The following CCDC88C variants were observed in gnomAD, a reference collection of about 807,000 sequenced individuals.
The protein encoded by CCDC88C is protein Daple.
Under a neutral mutation model 198.8 loss-of-function variants are expected in CCDC88C, and 131 were observed. That is an observed-to-expected ratio of 0.66 (90% CI 0.57 to 0.76). The LOEUF is 0.76. Ranked by LOEUF, CCDC88C falls within the 30% of genes least tolerant of loss-of-function variation. The pLI is 0.00. For synonymous variants in CCDC88C, 1,166 were observed against 1,114.7 expected, an observed-to-expected ratio of 1.05 and a Z score of -0.92; for missense variants, 2,553 against 2,631.6, an observed-to-expected ratio of 0.97 and a Z score of 0.65.
At chr14:91,275,598 C>T (rs1025753160) in intron 29 of CCDC88C, among the ~76,000 whole-genome samples, 12 of 151,896 alleles carry the variant, frequency 7.9e-5, no homozygotes, top group Admixed American at 5.9e-4. Flanking sequence ...CTGCCTCAAC[C>T]TCCCGAGTAG....
intron 16 of CCDC88C, 85 bp downstream of exon 16, chr14:91,309,774 A>T: frequency 2.8e-6 from 4 of 1,421,898 alleles, no homozygotes; most frequent in Non-Finnish European, 3.8e-6. Flanking sequence ...GAGTTCATGG[A>T]GGTCTCAGGG....
chr14:91,305,936 C>A lies in CCDC88C; in HGVS notation c.3196-10G>T, dbSNP rs748133657. 6.2e-7 allele frequency: 1 copy of A among 1,611,084 alleles called. No individual in the cohort carries two copies. ...CCTGCAGAGCTGCATTCTAGAAGAT[C>A]GGGAGGCATGAGCGAATCAAACTCC... is the stretch of plus-strand genomic sequence containing the variant. On this transcript the variant is annotated splice_polypyrimidine_tract_variant and intron_variant, in intron 18 of 29. Coordinates refer to ENST00000389857, the MANE Select transcript of CCDC88C (RefSeq NM_001080414.4).
At chr14:91,281,158 C>T (rs1366443314) in intron 27 of CCDC88C, 1 of 567,696 alleles carries the variant, frequency 1.8e-6, no homozygotes, top group African/African-American at 1.9e-5. Flanking sequence ...TGAACGCTCC[C>T]CACCTGGGCC....
In CCDC88C at chr14:91,417,619, A is replaced by G. The variant is rs898234326; in HGVS notation, c.60+12T>C. ...TGCACCAACAAAGGGGCGGGGAGCC[A>G]GGCGCACTCACCCAGGTCACCAGCG... On this transcript the variant is annotated intron_variant, in intron 1 of 29. Coordinates refer to ENST00000389857, the MANE Select transcript of CCDC88C (RefSeq NM_001080414.4). The G allele has an allele frequency of 5.7e-6, 9 of 1,584,206 alleles. No individual in the cohort carries two copies. Among genetic ancestry groups the G allele is most frequent in the Non-Finnish European group, 7.7e-6 (9 of 1,167,270 alleles).
intron 13 of CCDC88C, among the ~76,000 whole-genome samples, chr14:91,317,949 C>A (rs916698686): frequency 1.3e-5 from 2 of 152,220 alleles, no homozygotes; most frequent in Non-Finnish European, 2.9e-5. Flanking sequence ...CCAGAAGGGG[C>A]CCCAAAATAT....
At chr14:91,340,091 A>C in intron 6 of CCDC88C, 67 bp from the exon 7 acceptor site, 1 of 1,568,774 alleles carries the variant, frequency 6.4e-7, no homozygotes. Context: ...CTCACACTGC[A>C]AACAGCATCC....
chr14:91,415,904 G>A (rs1202098364), intron 2 of CCDC88C, among the ~76,000 whole-genome samples: 2 of 152,110 alleles, frequency 1.3e-5, no homozygotes, highest in Admixed American at 6.5e-5. Context: ...TTGCTCAGTC[G>A]TAGGTGAATA....
intron 10 of CCDC88C, among the ~76,000 whole-genome samples, chr14:91,331,398 G>T (rs548164353): frequency 6.6e-6 from 1 of 152,194 alleles, no homozygotes. Flanking sequence ...GAGGAGGGTG[G>T]AGGAGGGCAG....
intron 3 of CCDC88C, among the ~76,000 whole-genome samples, chr14:91,363,743 C>T (rs189685266): frequency 7.2e-5 from 11 of 152,370 alleles, no homozygotes; most frequent in Non-Finnish European, 1.3e-4. Context: ...GCGGTATCTC[C>T]AGGCCCTGAA....
Position 91,278,090 on chromosome 14 carries a change from G to A in CCDC88C, c.4890C>T (p.Arg1630=). 1.2e-6 allele frequency: 2 copies of A among 1,612,472 alleles called. No individual in the cohort carries two copies. The highest frequency in any genetic ancestry group is 1.3e-5 in the African/African-American group (1 of 75,052). ...CGTTCCGAGGCAAGGGGTACTCGTG[G>A]CGGCCGAGGGCGTTGCGTCCCGGTG... ...ASTPGRNALG[R]HEYPLPRNGP... The change falls in exon 29 of 30, where the codon CGC becomes CGT. Residue 1630 remains arginine, a synonymous_variant. Transcript: ENST00000389857.
chr14:91,301,609 TG>T (rs2139776071), intron 20 of CCDC88C, among the ~76,000 whole-genome samples: 1 of 152,092 alleles, frequency 6.6e-6, no homozygotes, highest in East Asian at 1.9e-4. Flanking sequence ...CCCAGCTACT[TG>T]GGAGGCTGAA....
chr14:91,335,493 T>C (rs1035948137), intron 10 of CCDC88C, among the ~76,000 whole-genome samples: 3 of 152,066 alleles, frequency 2.0e-5, no homozygotes, highest in Non-Finnish European at 2.9e-5. Flanking sequence ...GGTTAACTCC[T>C]AGCTATTTCA....
intron 3 of CCDC88C, among the ~76,000 whole-genome samples, chr14:91,389,258 G>C (rs1056482733): frequency 6.6e-6 from 1 of 152,146 alleles, no homozygotes; most frequent in Non-Finnish European, 1.5e-5. Context: ...GGCTTCCTCC[G>C]AGTCCAAACG....
chr14:91,383,309 C>T (rs1884919442), intron 3 of CCDC88C, among the ~76,000 whole-genome samples: 1 of 152,236 alleles, frequency 6.6e-6, no homozygotes. Context: ...CCAGGCTGGC[C>T]ATGCTGCCGT....
At chr14:91,346,191 A>T (rs557982885) in intron 4 of CCDC88C, among the ~76,000 whole-genome samples, 8 of 152,340 alleles carry the variant, frequency 5.3e-5, no homozygotes, top group African/African-American at 1.9e-4. Context: ...CAACTGAGAA[A>T]TAGCTAAAAT....
At chr14:91,275,818 CTTTTTTT>C (rs34204634) in intron 29 of CCDC88C, among the ~76,000 whole-genome samples, 1 of 82,308 alleles carries the variant, frequency 1.2e-5, no homozygotes. Flanking sequence ...ACCAGTGGTT[CTTTTTTT>C]TTTTTTTTTT....
At position 91,398,570 on chromosome 14, in the gene CCDC88C, T is replaced by C. The variant is rs569540523; in HGVS notation, c.270+10089A>G. The stretch of plus-strand genomic sequence containing the variant: ...TACTTGGTAGATTGAGGCTGGAGGA[T>C]TGCTTGAGCCCAGGAGTTTGAGGTT... On this transcript the variant is annotated intron_variant, in intron 3 of 29. Transcript: ENST00000389857. Among the ~76,000 whole-genome samples the C allele has an allele frequency of 1.3e-4, 20 of 152,248 alleles. No individual in the cohort carries two copies. In the South Asian group the frequency reaches 2.3e-3, roughly 17 times the overall value.
chr14:91,417,628 C>T lies in CCDC88C; in HGVS notation c.60+3G>A, dbSNP rs762597736. On this transcript the variant is annotated splice_donor_region_variant and intron_variant, in intron 1 of 29. Coordinates refer to ENST00000389857, the MANE Select transcript of CCDC88C (RefSeq NM_001080414.4). ...AAAGGGGCGGGGAGCCAGGCGCACTCACCCAGGTCACCAGCGGGCTCTGCA... is the reference window on the plus strand; with the variant it reads ...AAAGGGGCGGGGAGCCAGGCGCACTTACCCAGGTCACCAGCGGGCTCTGCA... The T allele has an allele frequency of 6.3e-6, 10 of 1,589,956 alleles. No homozygotes were observed. Among genetic ancestry groups the T allele is most frequent in the South Asian group, 3.4e-5 (3 of 88,080 alleles).
intron 3 of CCDC88C, among the ~76,000 whole-genome samples, chr14:91,392,776 T>A (rs1472040778): frequency 1.3e-5 from 2 of 150,704 alleles, no homozygotes; most frequent in African/African-American, 2.4e-5. Context: ...CGCCCCTCAC[T>A]CTCACTGCAC....
Sources: gnomAD v4.1 joint callset for allele counts (sites outside exome capture counted in the v4.1 genomes callset) on GRCh38, gnomAD v4.1.1 for gene constraint, MANE v1.5 for transcripts, NCBI Gene and HGNC (gene_info 2026-07-23, HGNC 2026-07-21) for gene names.